CMSS1: variants seen among roughly 807,000 people sequenced by gnomAD.
The protein encoded by CMSS1 is cms1 ribosomal small subunit homolog.
A neutral mutation model predicts 43.5 loss-of-function variants in CMSS1; 33 were observed. That is an observed-to-expected ratio of 0.76 (90% CI 0.57 to 1.01). The LOEUF is 1.01. Ranked by LOEUF, CMSS1 falls within the 50% of genes least tolerant of loss-of-function variation. The probability of loss-of-function intolerance (pLI) is 0.00; values close to 1 mark genes in which losing one functional copy is unlikely to be tolerated. For missense variants in CMSS1, 313 were observed against 326.4 expected, an observed-to-expected ratio of 0.96 and a Z score of 0.32; for synonymous variants, 115 against 117.2, an observed-to-expected ratio of 0.98 and a Z score of 0.12.
At chr3:100,093,277 C>G (rs566548120) in intron 1 of CMSS1, among the ~76,000 whole-genome samples, 7 of 152,022 alleles carry the variant, frequency 4.6e-5, no homozygotes, top group Non-Finnish European at 1.0e-4. Flanking sequence ...TCTTCTGTAA[C>G]TTTTTAGTTA....
intron 6 of CMSS1, among the ~76,000 whole-genome samples, chr3:100,171,356 C>T (rs1432813457): frequency 6.6e-6 from 1 of 152,038 alleles, no homozygotes; most frequent in Non-Finnish European, 1.5e-5. Flanking sequence ...CCTCTTCCCC[C>T]TTTCAAGCTC....
At chr3:100,066,997 CA>C (rs2065676863) in intron 1 of CMSS1, among the ~76,000 whole-genome samples, 1 of 152,154 alleles carries the variant, frequency 6.6e-6, no homozygotes, top group Non-Finnish European at 1.5e-5. Flanking sequence ...GTCCCATACA[CA>C]TATTGAGTGA....
intron 1 of CMSS1, among the ~76,000 whole-genome samples, chr3:99,948,677 A>G (rs1166265507): frequency 6.7e-6 from 1 of 149,834 alleles, no homozygotes; most frequent in Non-Finnish European, 1.5e-5. Context: ...GGAAAGAGGA[A>G]GAAGAAGAGG....
intron 1 of CMSS1, among the ~76,000 whole-genome samples, chr3:99,843,785 C>T (rs1408464043): frequency 6.6e-6 from 1 of 152,046 alleles, no homozygotes; most frequent in South Asian, 2.1e-4. Context: ...AGGAGCCGAG[C>T]GGCAAGCAGA....
intron 1 of CMSS1, among the ~76,000 whole-genome samples, chr3:99,902,736 C>A (rs1258019313): frequency 6.6e-6 from 1 of 152,094 alleles, no homozygotes; most frequent in Non-Finnish European, 1.5e-5. Flanking sequence ...CAGGCATATC[C>A]ATGTTATGCT....
chr3:99,926,686 A>C (rs1707303076), intron 1 of CMSS1, among the ~76,000 whole-genome samples: 1 of 152,260 alleles, frequency 6.6e-6, no homozygotes, highest in Non-Finnish European at 1.5e-5. Context: ...AGGCTTTTCT[A>C]AATCCAAAAA....
intron 1 of CMSS1, among the ~76,000 whole-genome samples, chr3:99,829,440 GT>G (rs1484143677): frequency 6.6e-6 from 1 of 152,132 alleles, no homozygotes; most frequent in African/African-American, 2.4e-5. Context: ...ATAGATGACT[GT>G]TTGAATTCAA....
chr3:99,903,397 G>A (rs373818792), intron 1 of CMSS1, among the ~76,000 whole-genome samples: 2 of 151,766 alleles, frequency 1.3e-5, no homozygotes, highest in East Asian at 1.9e-4. Context: ...GATTACAGGC[G>A]CCTGCCACCA....
intron 1 of CMSS1, among the ~76,000 whole-genome samples, chr3:100,045,065 A>C (rs2065257833): frequency 6.6e-6 from 1 of 152,270 alleles, no homozygotes; most frequent in Admixed American, 6.5e-5. Flanking sequence ...GATATATCCA[A>C]GGGGAGATGG....
intron 1 of CMSS1, among the ~76,000 whole-genome samples, chr3:100,126,687 G>C (rs1019679890): frequency 5.9e-5 from 9 of 152,214 alleles, no homozygotes; most frequent in Non-Finnish European, 1.3e-4. Flanking sequence ...CTAAGAGCTA[G>C]ATATTGAAAA....
chr3:100,135,583 A>G (rs2107502736), intron 1 of CMSS1, among the ~76,000 whole-genome samples: 1 of 151,642 alleles, frequency 6.6e-6, no homozygotes, highest in South Asian at 2.1e-4. Flanking sequence ...AGCTCAAGTG[A>G]TCCTCCTGCC....
At chr3:99,938,660 A>C (rs1012975594) in intron 1 of CMSS1, among the ~76,000 whole-genome samples, 5 of 152,196 alleles carry the variant, frequency 3.3e-5, no homozygotes, top group African/African-American at 1.2e-4. Context: ...TGGGGTTCTC[A>C]GCAGAGCTGG....
At chr3:99,951,549 A>T (rs1220766871) in intron 1 of CMSS1, among the ~76,000 whole-genome samples, 1 of 152,106 alleles carries the variant, frequency 6.6e-6, no homozygotes, top group Non-Finnish European at 1.5e-5. Flanking sequence ...TGTATTTGCA[A>T]CTCTGTGAGA....
chr3:99,823,811 A>C (rs1442113529), intron 1 of CMSS1, among the ~76,000 whole-genome samples: 1 of 151,802 alleles, frequency 6.6e-6, no homozygotes, highest in Non-Finnish European at 1.5e-5. Flanking sequence ...CACCCACACC[A>C]GCCTTCATTC....
chr3:100,079,988 T>C (rs554233683), intron 1 of CMSS1, among the ~76,000 whole-genome samples: 11 of 152,048 alleles, frequency 7.2e-5, no homozygotes, highest in African/African-American at 2.7e-4. Context: ...TGGCTTGGAG[T>C]GGCTAGATCA....
At chr3:100,014,205 TTA>T (rs1484837961) in intron 1 of CMSS1, among the ~76,000 whole-genome samples, 1 of 150,920 alleles carries the variant, frequency 6.6e-6, no homozygotes, top group Non-Finnish European at 1.5e-5. Context: ...TATATATATA[TTA>T]TATATATATC....
At chr3:100,124,277 T>C (rs1055873179) in intron 1 of CMSS1, among the ~76,000 whole-genome samples, 1 of 152,160 alleles carries the variant, frequency 6.6e-6, no homozygotes, top group Non-Finnish European at 1.5e-5. Flanking sequence ...GTGAGAGATA[T>C]TTCAACCCCA....
intron 1 of CMSS1, among the ~76,000 whole-genome samples, chr3:100,117,786 A>C (rs1407050137): frequency 6.9e-6 from 1 of 145,192 alleles, no homozygotes; most frequent in Non-Finnish European, 1.5e-5. Context: ...CAAAAGGTGG[A>C]AACAACCCAA....
At chr3:99,969,591 G>A (rs966616171) in intron 1 of CMSS1, among the ~76,000 whole-genome samples, 1 of 152,228 alleles carries the variant, frequency 6.6e-6, no homozygotes, top group African/African-American at 2.4e-5. Flanking sequence ...GTGAGGCCAG[G>A]AAAGAGGTCA....
Sources: gnomAD v4.1 joint callset for allele counts (sites outside exome capture counted in the v4.1 genomes callset) on GRCh38, gnomAD v4.1.1 for gene constraint, MANE v1.5 for transcripts, NCBI Gene and HGNC (gene_info 2026-07-23, HGNC 2026-07-21) for gene names.